DYM: variants seen among roughly 807,000 people sequenced by gnomAD.
The protein encoded by DYM is dyggve-Melchior-Clausen syndrome protein.
DYM carries 78 observed loss-of-function variants against 93.1 expected under a neutral mutation model. The ratio of observed to expected loss-of-function variants is 0.84; its 90% confidence interval spans 0.70 to 1.01. The LOEUF (loss-of-function observed/expected upper bound fraction) is 1.01, where lower values mean the gene tolerates loss of function less well. DYM is among the 50% of genes least tolerant of loss of function. DYM has a pLI of 0.00. For synonymous variants in DYM, 321 were observed against 319.7 expected, an observed-to-expected ratio of 1.00 and a Z score of -0.04; for missense variants, 789 against 845.0, an observed-to-expected ratio of 0.93 and a Z score of 0.82.
chr18:49,391,920 T>C (rs939270293), intron 2 of DYM, among the ~76,000 whole-genome samples: 3 of 152,150 alleles, frequency 2.0e-5, no homozygotes, highest in Admixed American at 6.5e-5. Context: ...CTTAGAAAAA[T>C]TCAAGAAAGG....
intron 15 of DYM, among the ~76,000 whole-genome samples, chr18:49,130,210 A>G (rs768581200): frequency 6.6e-6 from 1 of 152,202 alleles, no homozygotes; most frequent in Non-Finnish European, 1.5e-5. Context: ...AAAACGGAGT[A>G]GTAAAGAAAC....
chr18:49,103,555 G>C (rs769482580), intron 16 of DYM, among the ~76,000 whole-genome samples: 127 of 152,116 alleles, frequency 8.3e-4, no homozygotes, highest in East Asian at 4.8e-3. Flanking sequence ...GGTCTAACAT[G>C]TAAGTCTTTA....
At chr18:49,083,076 G>T (rs1168680601) in intron 17 of DYM, among the ~76,000 whole-genome samples, 1 of 133,844 alleles carries the variant, frequency 7.5e-6, no homozygotes, top group African/African-American at 2.5e-5. Flanking sequence ...AACATTTTAG[G>T]CTTTGTGAGC....
At chr18:49,441,531 T>G (rs1300484219) in intron 1 of DYM, among the ~76,000 whole-genome samples, 1 of 148,844 alleles carries the variant, frequency 6.7e-6, no homozygotes, top group Non-Finnish European at 1.5e-5. Flanking sequence ...TAGAACATTC[T>G]CTGAAAGGCA....
chr18:49,303,838 T>C (rs1481460378), intron 8 of DYM, among the ~76,000 whole-genome samples: 4 of 152,228 alleles, frequency 2.6e-5, no homozygotes, highest in African/African-American at 9.6e-5. Flanking sequence ...TTATGGGATA[T>C]TGCATTTGGT....
chr18:49,045,599 T>A (rs2071376882), intron 17 of DYM, among the ~76,000 whole-genome samples: 1 of 152,194 alleles, frequency 6.6e-6, no homozygotes, highest in African/African-American at 2.4e-5. Flanking sequence ...CCAGCTCCTG[T>A]TCTCATGGAA....
chr18:49,255,936 T>C (rs2094385055), intron 13 of DYM, among the ~76,000 whole-genome samples: 1 of 151,138 alleles, frequency 6.6e-6, no homozygotes. Context: ...AAAAAAAAAT[T>C]AGCCGGGTGT....
At chr18:49,058,494 A>T (rs1349190734) in intron 17 of DYM, among the ~76,000 whole-genome samples, 1 of 151,802 alleles carries the variant, frequency 6.6e-6, no homozygotes, top group Non-Finnish European at 1.5e-5. Context: ...AAATTTTTAA[A>T]TTTTTTATAG....
At position 49,195,916 on chromosome 18, in the gene DYM, C is replaced by CTTTTTTTTTTTTTTTTTTTTTTT. The variant is rs540189318; in HGVS notation, c.1625+13612_1625+13634dup. Among the ~76,000 whole-genome samples the CTTTTTTTTTTTTTTTTTTTTTTT allele has an allele frequency of 8.3e-5, 7 of 84,038 alleles. 1 individual carries two copies. The highest frequency in any genetic ancestry group is 3.9e-4 in the African/African-American group (7 of 17,748). 55.1% of individuals were successfully genotyped at this position (84,038 alleles called of 152,430 possible). Reference sequence around the variant, plus strand: ...ATTATGCTCTCTTGAATGCTACCATCTTTTTTTTTTTTTTTTTTTTTTTTT... The same window carrying CTTTTTTTTTTTTTTTTTTTTTTT: ...ATTATGCTCTCTTGAATGCTACCATCTTTTTTTTTTTTTTTTTTTTTTTTTTTTTTTTTTTTTTTTTTTTTTTT... On this transcript the variant is annotated intron_variant, in intron 14 of 17. Coordinates refer to ENST00000675505, the MANE Select transcript of DYM (RefSeq NM_001353214.3).
At position 49,249,406 on chromosome 18, in the gene DYM, AT is replaced by A. The variant is rs1384672377; in HGVS notation, c.1460+7603del. On this transcript the variant is annotated intron_variant, in intron 13 of 17. Coordinates refer to ENST00000675505, the MANE Select transcript of DYM (RefSeq NM_001353214.3). ...ATGTGTGTGTGTGTAATATAAATTC[AT>A]CCCAACAAATAGGTCAATTTGCTTA... Among the ~76,000 whole-genome samples the A allele has an allele frequency of 2.0e-5, 3 of 152,322 alleles. No homozygotes were observed. The East Asian group carries it at 5.8e-4, about 29-fold the overall frequency.
intron 1 of DYM, among the ~76,000 whole-genome samples, chr18:49,431,510 C>T (rs181774203): frequency 5.9e-5 from 9 of 152,318 alleles, no homozygotes; most frequent in Admixed American, 2.6e-4. Context: ...ATATGAATCA[C>T]TGTCTCCCTT....
At chr18:49,086,074 G>C (rs894818985) in intron 17 of DYM, among the ~76,000 whole-genome samples, 4 of 152,176 alleles carry the variant, frequency 2.6e-5, no homozygotes, top group African/African-American at 9.6e-5. Context: ...GCCTTTTCCA[G>C]AACTGCCCTT....
intron 13 of DYM, among the ~76,000 whole-genome samples, chr18:49,236,479 C>CAAAAAA (rs57432048): frequency 4.2e-5 from 6 of 142,490 alleles, no homozygotes; most frequent in Admixed American, 1.4e-4. Context: ...GACTCTGTCT[C>CAAAAAA]AAAAAAAAAA....
intron 14 of DYM, among the ~76,000 whole-genome samples, chr18:49,195,260 C>A (rs2091334787): frequency 6.6e-6 from 1 of 152,062 alleles, no homozygotes; most frequent in Non-Finnish European, 1.5e-5. Context: ...TAAGTTTTCT[C>A]CTTTTTAGTT....
intron 13 of DYM, among the ~76,000 whole-genome samples, chr18:49,227,475 C>T (rs888304956): frequency 2.0e-5 from 3 of 152,098 alleles, no homozygotes; most frequent in African/African-American, 7.2e-5. Context: ...TATATATACA[C>T]AGAAATTATG....
At chr18:49,255,544 G>A (rs935635633) in intron 13 of DYM, among the ~76,000 whole-genome samples, 13 of 151,304 alleles carry the variant, frequency 8.6e-5, no homozygotes, top group South Asian at 2.1e-4. Context: ...GTGGTGGCGT[G>A]TGCCTGTAAT....
chr18:49,117,015 A>G (rs72921692), intron 16 of DYM, among the ~76,000 whole-genome samples: 1 of 152,232 alleles, frequency 6.6e-6, no homozygotes, highest in South Asian at 2.1e-4. Flanking sequence ...CACATCCTAA[A>G]TATCAGTGAA....
rs1011043151 is a variant in DYM at position 49,266,532 on chromosome 18, G to C, written c.1251+5646C>G. On this transcript the variant is annotated intron_variant, in intron 11 of 17. Transcript: ENST00000675505. ...AAGCTGAGGTAGGAGGATCACCTGAGACCAGGAAGTCAAGGCTACAGTGAG... is the reference window on the plus strand; with the variant it reads ...AAGCTGAGGTAGGAGGATCACCTGACACCAGGAAGTCAAGGCTACAGTGAG... Among the ~76,000 whole-genome samples, 33 of 152,190 alleles carry C rather than the reference G, an allele frequency of 2.2e-4. 1 individual carries two copies. Among genetic ancestry groups the C allele is most frequent in the Non-Finnish European group, 3.1e-4 (21 of 68,034 alleles).
At chr18:49,277,611 G>C (rs1599070170) in intron 10 of DYM, among the ~76,000 whole-genome samples, 1 of 152,156 alleles carries the variant, frequency 6.6e-6, no homozygotes, top group Non-Finnish European at 1.5e-5. Context: ...TAAGAGATAG[G>C]AGACAGCTTG....
Sources: gnomAD v4.1 joint callset for allele counts (sites outside exome capture counted in the v4.1 genomes callset) on GRCh38, gnomAD v4.1.1 for gene constraint, MANE v1.5 for transcripts, NCBI Gene and HGNC (gene_info 2026-07-23, HGNC 2026-07-21) for gene names.